Variants in PRMT9 observed in about 807,000 individuals in gnomAD.
PRMT9 encodes the protein protein arginine N-methyltransferase 9.
In PRMT9, 59 loss-of-function variants were observed where a neutral mutation model predicts 83.2. The ratio of observed to expected loss-of-function variants is 0.71; its 90% CI spans 0.57 to 0.88. The LOEUF is 0.88. Among genes scored for constraint, PRMT9 ranks in the 40% least tolerant of loss-of-function variants. The pLI, the probability that PRMT9 is intolerant of heterozygous loss-of-function variation, is 0.00. For synonymous variants in PRMT9, 333 were observed against 353.2 expected, an observed-to-expected ratio of 0.94 and a Z score of 0.64; for missense variants, 947 against 1,021.9, an observed-to-expected ratio of 0.93 and a Z score of 1.00.
In PRMT9 at chr4:147,654,423, A is replaced by G; in HGVS notation, c.1474T>C (p.Ser492Pro). The change falls in exon 9 of 12, where the codon TCG becomes CCG. Residue 492 changes from serine to proline, a missense_variant. Coordinates refer to ENST00000322396, the MANE Select transcript of PRMT9 (RefSeq NM_138364.4). ...CAAAGTTCAGCCTCATTTCCTAACGATAACAAGTCTTTATTCTGGGTAAAA... is the reference window on the plus strand; with the variant it reads ...CAAAGTTCAGCCTCATTTCCTAACGGTAACAAGTCTTTATTCTGGGTAAAA... ...KSFTQNKDLLSLGNEAELCSA... is the reference protein window; with the variant it reads ...KSFTQNKDLLPLGNEAELCSA... 1 of 1,614,144 alleles carries G rather than the reference A, an allele frequency of 6.2e-7. No individual in the cohort carries two copies. The highest frequency in any genetic ancestry group is 1.3e-5 in the African/African-American group (1 of 75,056).
In PRMT9 at chr4:147,673,682, C is replaced by G. The variant is rs767975136; in HGVS notation, c.531G>C (p.Gly177=). The change falls in exon 3 of 12, where the codon GGG becomes GGC. Residue 177 remains glycine, a synonymous_variant. Transcript: ENST00000322396. ...NAAIQKAVCL[G]SKSVLDIGAG... ...CTCCAATGTCCAAAACACTTTTGGA[C>G]CCCAAACAAACTGCCTTTTGGATTG... 6.2e-7 allele frequency: 1 copy of G among 1,613,972 alleles called. No homozygotes were observed. Among genetic ancestry groups the G allele is most frequent in the South Asian group, 1.1e-5 (1 of 91,074 alleles).
chr4:147,683,752 T>A (rs531797088), intron 1 of PRMT9, 47 bp downstream of exon 1: 3 of 1,378,380 alleles, frequency 2.2e-6, no homozygotes, highest in Admixed American at 1.9e-5. Flanking sequence ...TTTTTTTTTT[T>A]ACGAGGACGT....
At chr4:147,681,670 C>G (rs1233833065) in intron 1 of PRMT9, among the ~76,000 whole-genome samples, 2 of 151,902 alleles carry the variant, frequency 1.3e-5, no homozygotes, top group Non-Finnish European at 2.9e-5. Flanking sequence ...ACCTATAATC[C>G]CTGCTACTCA....
chr4:147,640,092 A>ATTTTTTTTTTTTT lies in PRMT9; in HGVS notation c.2200-1011_2200-1010insAAAAAAAAAAAAA, dbSNP rs1560962912. ...TTTTTTTTTTTTTTTTTTTTTTTTA[A>ATTTTTTTTTTTTT]TATAGGGTCTCACTCTGTTCCCCAG... On this transcript the variant is annotated intron_variant, in intron 10 of 11. Coordinates refer to ENST00000322396, the MANE Select transcript of PRMT9 (RefSeq NM_138364.4). Among the ~76,000 whole-genome samples, 2 of 70,384 alleles carry ATTTTTTTTTTTTT rather than the reference A, an allele frequency of 2.8e-5. 1 individual carries two copies. Among genetic ancestry groups the ATTTTTTTTTTTTT allele is most frequent in the Non-Finnish European group, 5.0e-5 (2 of 40,050 alleles). The allele number at this position is 70,384 out of a possible 152,430, so 46.2% of individuals were successfully genotyped here.
At chr4:147,666,844 A>C (rs1002450034) in intron 6 of PRMT9, among the ~76,000 whole-genome samples, 1 of 150,904 alleles carries the variant, frequency 6.6e-6, no homozygotes, top group African/African-American at 2.4e-5. Flanking sequence ...AAAAAAAAAA[A>C]AGATATTGGC....
At position 147,676,938 on chromosome 4, in the gene PRMT9, G is replaced by A. The variant is rs534371101; in HGVS notation, c.339-3064C>T. On this transcript the variant is annotated intron_variant, in intron 2 of 11. Transcript: ENST00000322396. ...ATGTGCCTGTAATTCCAGCTACTCCGGAGGCTGAGGCATGAAAATTGCTTG... is the reference window on the plus strand; with the variant it reads ...ATGTGCCTGTAATTCCAGCTACTCCAGAGGCTGAGGCATGAAAATTGCTTG... Among the ~76,000 whole-genome samples the A allele has an allele frequency of 2.6e-3, 401 of 151,774 alleles. 3 individuals carry two copies. The highest frequency in any genetic ancestry group is 9.0e-3 in the African/African-American group (370 of 41,340).
At chr4:147,660,712 T>A (rs1213800556) in intron 7 of PRMT9, 134 bp downstream of exon 7, 1 of 632,272 alleles carries the variant, frequency 1.6e-6, no homozygotes, top group Non-Finnish European at 2.8e-6. Flanking sequence ...CTAATTACCC[T>A]TTAATCATTT....
chr4:147,683,439 G>C (rs558428604), intron 1 of PRMT9, among the ~76,000 whole-genome samples: 1 of 152,316 alleles, frequency 6.6e-6, no homozygotes, highest in African/African-American at 2.4e-5. Context: ...GCTCGAACCA[G>C]GGTAGTAAAG....
intron 10 of PRMT9, among the ~76,000 whole-genome samples, chr4:147,642,376 T>C (rs145128763): frequency 0.012 from 1,831 of 149,464 alleles, 22 homozygotes; most frequent in Middle Eastern, 0.031. Flanking sequence ...GGAGCTGGGA[T>C]TGCAGGCACG....
chr4:147,666,820 G>A (rs914080016), intron 6 of PRMT9, among the ~76,000 whole-genome samples: 1 of 84,192 alleles, frequency 1.2e-5, no homozygotes, highest in Admixed American at 1.3e-4. Context: ...GCTGAACTTT[G>A]TTTAAAAAAA....
chr4:147,656,205 T>TGACC (rs1319112119), intron 8 of PRMT9, among the ~76,000 whole-genome samples: 1 of 152,228 alleles, frequency 6.6e-6, no homozygotes, highest in African/African-American at 2.4e-5. Flanking sequence ...CAGGCCTTTA[T>TGACC]GACCTTGCCA....
At chr4:147,677,890 G>A (rs892281056) in intron 2 of PRMT9, among the ~76,000 whole-genome samples, 9 of 151,928 alleles carry the variant, frequency 5.9e-5, no homozygotes, top group African/African-American at 1.7e-4. Flanking sequence ...ACCATATAAA[G>A]AGTTTACATT....
chr4:147,656,771 CAAAAAAAAAAAAAAA>C (rs1023416920), intron 8 of PRMT9, among the ~76,000 whole-genome samples: 4 of 47,956 alleles, frequency 8.3e-5, no homozygotes, highest in Admixed American at 3.2e-4. Context: ...GACTCTGTCT[CAAAAAAAAAAAAAAA>C]AAAAAAAAAG....
At chr4:147,665,106 A>G (rs1440550396) in intron 6 of PRMT9, among the ~76,000 whole-genome samples, 5 of 124,842 alleles carry the variant, frequency 4.0e-5, no homozygotes, top group Non-Finnish European at 8.1e-5. Flanking sequence ...GGGAAACAAG[A>G]GCGAAACTCT....
chr4:147,668,877 G>A (rs1189912687), intron 5 of PRMT9, among the ~76,000 whole-genome samples: 1 of 152,022 alleles, frequency 6.6e-6, no homozygotes, highest in Non-Finnish European at 1.5e-5. Context: ...ACGAGGTCAG[G>A]AGATCAAGAC....
chr4:147,661,846 G>GA (rs1380129235), intron 6 of PRMT9, among the ~76,000 whole-genome samples: 4 of 146,310 alleles, frequency 2.7e-5, no homozygotes, highest in Non-Finnish European at 3.0e-5. Context: ...TGACAGAATG[G>GA]AAAAAAACAA....
chr4:147,642,125 G>A (rs1578873953), intron 10 of PRMT9, among the ~76,000 whole-genome samples: 1 of 152,154 alleles, frequency 6.6e-6, no homozygotes, highest in Non-Finnish European at 1.5e-5. Flanking sequence ...AGGTCTCAAT[G>A]TAAGGGTTCA....
intron 10 of PRMT9, among the ~76,000 whole-genome samples, chr4:147,641,348 T>C (rs1472212096): frequency 6.6e-6 from 1 of 152,172 alleles, no homozygotes; most frequent in Non-Finnish European, 1.5e-5. Context: ...CTTCTTGCTG[T>C]TTTTGATACT....
At chr4:147,640,520 C>T (rs1169959456) in intron 10 of PRMT9, among the ~76,000 whole-genome samples, 1 of 152,176 alleles carries the variant, frequency 6.6e-6, no homozygotes, top group Admixed American at 6.5e-5. Context: ...ATACCAGCTA[C>T]ATGCTGCTAA....
Sources: gnomAD v4.1 joint callset for allele counts (sites outside exome capture counted in the v4.1 genomes callset) on GRCh38, gnomAD v4.1.1 for gene constraint, MANE v1.5 for transcripts, NCBI Gene and HGNC (gene_info 2026-07-23, HGNC 2026-07-21) for gene names.